The following RARA variants were observed in gnomAD, a reference collection of about 807,000 sequenced individuals.
The protein encoded by RARA is retinoic acid receptor alpha, also known as PML-DDX5-RARA fusion.
RARA carries 5 observed loss-of-function variants against 42.8 expected under a neutral mutation model. The observed-to-expected ratio is 0.12, with a 90% CI of 0.06 to 0.25. The LOEUF (loss-of-function observed/expected upper bound fraction) is 0.25, where lower values mean the gene tolerates loss of function less well. Among genes scored for constraint, RARA ranks in the 10% least tolerant of loss-of-function variants. The pLI, the probability that RARA is intolerant of heterozygous loss-of-function variation, is 1.00. For missense variants in RARA, 402 were observed against 628.7 expected, an observed-to-expected ratio of 0.64 and a Z score of 3.86; for synonymous variants, 256 against 259.5, an observed-to-expected ratio of 0.99 and a Z score of 0.13.
chr17:40,349,353 C>G (rs1302662193), intron 3 of RARA: 1 of 188,090 alleles, frequency 5.3e-6, no homozygotes, highest in Non-Finnish European at 1.1e-5. Context: ...GTGTTCGCCT[C>G]CATTTCTCTG....
intron 2 of RARA, among the ~76,000 whole-genome samples, chr17:40,346,557 CG>C (rs1427150174): frequency 6.6e-6 from 1 of 151,098 alleles, no homozygotes; most frequent in Non-Finnish European, 1.5e-5. Flanking sequence ...ACTGCTTTTA[CG>C]TCTTGGAAAA....
intron 4 of RARA, chr17:40,350,568 T>G (rs1240846601): frequency 6.6e-6 from 1 of 151,864 alleles, no homozygotes; most frequent in African/African-American, 2.4e-5. Context: ...GACCGGTGAT[T>G]GATGATGTCA....
chr17:40,316,985 T>A (rs1248998569), intron 1 of RARA, among the ~76,000 whole-genome samples: 1 of 152,242 alleles, frequency 6.6e-6, no homozygotes, highest in Non-Finnish European at 1.5e-5. Context: ...TCCTGGCTTG[T>A]CCTACCTTAC....
chr17:40,323,641 C>T (rs1003679078), intron 1 of RARA, among the ~76,000 whole-genome samples: 4 of 151,180 alleles, frequency 2.6e-5, no homozygotes, highest in Non-Finnish European at 4.4e-5. Flanking sequence ...CACCTGTGGG[C>T]TTCCCTGTTC....
intron 1 of RARA, among the ~76,000 whole-genome samples, chr17:40,322,292 T>C (rs906390283): frequency 7.9e-5 from 12 of 151,134 alleles, no homozygotes; most frequent in Non-Finnish European, 1.6e-4. Flanking sequence ...AGGGAAGAGG[T>C]GGCAGGGGAG....
At chr17:40,344,226 A>C (rs1353934825) in intron 2 of RARA, among the ~76,000 whole-genome samples, 1 of 151,984 alleles carries the variant, frequency 6.6e-6, no homozygotes, top group Admixed American at 6.5e-5. Flanking sequence ...AGCCACTTCT[A>C]TCCCAGCTTT....
chr17:40,342,941 G>T (rs1462477385), intron 2 of RARA: 2 of 1,538,376 alleles, frequency 1.3e-6, no homozygotes, highest in African/African-American at 1.4e-5. Context: ...CTACTCGGGG[G>T]TGAGAGTCCC....
intron 1 of RARA, among the ~76,000 whole-genome samples, chr17:40,315,171 T>TACACACACACAC (rs71355449): frequency 1.7e-4 from 13 of 76,560 alleles, no homozygotes; most frequent in African/African-American, 6.5e-4. Flanking sequence ...TATATATATA[T>TACACACACACAC]ACACACACAC....
intron 1 of RARA, among the ~76,000 whole-genome samples, chr17:40,321,269 T>C (rs2033369198): frequency 6.6e-6 from 1 of 151,910 alleles, no homozygotes; most frequent in Non-Finnish European, 1.5e-5. Flanking sequence ...CTGGCTCGGG[T>C]GTGGGTGTCT....
intron 1 of RARA, among the ~76,000 whole-genome samples, chr17:40,314,808 C>G (rs1401256433): frequency 6.6e-6 from 1 of 151,478 alleles, no homozygotes; most frequent in East Asian, 2.0e-4. Flanking sequence ...CCTGGCATCT[C>G]CCCCGGATGC....
intron 1 of RARA, among the ~76,000 whole-genome samples, chr17:40,318,882 G>C (rs1459361699): frequency 6.6e-6 from 1 of 152,242 alleles, no homozygotes; most frequent in Non-Finnish European, 1.5e-5. Context: ...GGGAGAATCA[G>C]CCAGGGGGCC....
At chr17:40,312,499 G>T (rs1195158003) in intron 1 of RARA, among the ~76,000 whole-genome samples, 1 of 152,248 alleles carries the variant, frequency 6.6e-6, no homozygotes, top group Non-Finnish European at 1.5e-5. Context: ...ACTATTTTTA[G>T]TTGGTCAGTC....
At position 40,345,668 on chromosome 17, in the gene RARA, A is replaced by C. The variant is rs1313145592; in HGVS notation, c.179-2648A>C. ...GAAGGTGTGGTCCTTCTCTAGCCCGAGTCCTTCTGCAGGAAGAGGAGAGAT... is the reference window on the plus strand; with the variant it reads ...GAAGGTGTGGTCCTTCTCTAGCCCGCGTCCTTCTGCAGGAAGAGGAGAGAT... On this transcript the variant is annotated intron_variant, in intron 2 of 8. Transcript: ENST00000254066. This position sits in a 1 kb window ranked among gnomAD's most constrained non-coding sequence, Gnocchi z 4.8. Among the ~76,000 whole-genome samples the C allele has an allele frequency of 6.6e-6, 1 of 152,212 alleles. No individual in the cohort carries two copies. Among genetic ancestry groups the C allele is most frequent in the Admixed American group, 6.5e-5 (1 of 15,288 alleles).
intron 1 of RARA, among the ~76,000 whole-genome samples, chr17:40,327,077 C>A (rs181805629): frequency 2.0e-5 from 3 of 152,210 alleles, no homozygotes; most frequent in East Asian, 1.9e-4. Context: ...TCTGGGGAGG[C>A]CTTCCAGCCT....
intron 1 of RARA, among the ~76,000 whole-genome samples, chr17:40,324,456 G>A (rs765790367): frequency 2.0e-5 from 3 of 152,092 alleles, no homozygotes; most frequent in Non-Finnish European, 4.4e-5. Context: ...ATGTCCCCCG[G>A]GGGATCTGGG....
chr17:40,334,396 C>T (rs2033786658), intron 2 of RARA, among the ~76,000 whole-genome samples: 1 of 152,194 alleles, frequency 6.6e-6, no homozygotes, highest in African/African-American at 2.4e-5. Flanking sequence ...AGACCCTTAG[C>T]TTCTGAGCTT....
chr17:40,315,152 A>ATGCTTATATGTG (rs1294071627), intron 1 of RARA, among the ~76,000 whole-genome samples: 1 of 131,924 alleles, frequency 7.6e-6, no homozygotes, highest in African/African-American at 3.0e-5. Context: ...ATATATATAT[A>ATGCTTATATGTG]TATATATATA....
chr17:40,348,579 T>C (rs1291889891), intron 3 of RARA, 115 bp downstream of exon 3: 48 of 1,358,234 alleles, frequency 3.5e-5, no homozygotes, highest in Non-Finnish European at 4.6e-5. Flanking sequence ...TGCTCTTCTT[T>C]CTCTGTGGAA....
In RARA at chr17:40,348,576, C is replaced by A. The variant is rs1024224735; in HGVS notation, c.327+112C>A. ...GGGTGTCCCTGAAGTTGCTGCTCTT[C>A]TTTCTCTGTGGAAGTTGGCAGCAAG... On this transcript the variant is annotated intron_variant, in intron 3 of 8. Coordinates refer to ENST00000254066, the MANE Select transcript of RARA (RefSeq NM_000964.4). The A allele has an allele frequency of 8.0e-6, 11 of 1,368,122 alleles. No homozygotes were observed. The African/African-American group carries it at 1.2e-4, about 15-fold the overall frequency. The allele number at this position is 1,368,122 out of a possible 1,614,324, so 84.7% of individuals were successfully genotyped here.
Sources: gnomAD v4.1 joint callset for allele counts (sites outside exome capture counted in the v4.1 genomes callset) on GRCh38, gnomAD v4.1.1 for gene constraint, Gnocchi (gnomAD v3.1) non-coding constraint, MANE v1.5 for transcripts, NCBI Gene and HGNC (gene_info 2026-07-23, HGNC 2026-07-21) for gene names.